The following IDI1 variants were observed in gnomAD, a reference collection of about 807,000 sequenced individuals.
IDI1 encodes isopentenyl-diphosphate Delta-isomerase 1.
A neutral mutation model predicts 32.9 loss-of-function variants in IDI1; 23 were observed. That is an observed-to-expected ratio of 0.70 (90% CI 0.50 to 0.99). IDI1 has a LOEUF of 0.99. Ranked by LOEUF, IDI1 falls within the 50% of genes least tolerant of loss-of-function variation. IDI1 has a pLI of 0.00. For synonymous variants in IDI1, 133 were observed against 128.2 expected (o/e 1.04, Z -0.25); for missense variants, 326 against 351.9 (o/e 0.93, Z 0.59).
Position 1,041,474 on chromosome 10 carries a change from G to A in IDI1, c.568C>T (p.Arg190Ter). ...TCAGACTGAGCTTTGTAGTGAATTC[G>A]TGTTAAATAATTAATTTCTTCTGGA... ...VPPEEINYLTRIHYKAQSDGI... is the reference protein window; with the variant it reads ...VPPEEINYLT Residue 190 changes from arginine to a stop codon, truncating the protein, a stop_gained, in exon 5 of 5, where the codon CGA (arginine) becomes TGA (stop). Transcript: ENST00000381344. LOFTEE classifies it high-confidence loss of function. 3 of 1,576,520 alleles carry A rather than the reference G, an allele frequency of 1.9e-6. No individual in the cohort carries two copies. Among genetic ancestry groups the A allele is most frequent in the Non-Finnish European group, 2.6e-6 (3 of 1,157,558 alleles).
upstream of IDI1, among the ~76,000 whole-genome samples, chr10:1,051,968 G>A (rs944672416): frequency 2.0e-5 from 3 of 152,176 alleles, no homozygotes; most frequent in South Asian, 2.1e-4. Flanking sequence ...CACCTCCTGG[G>A]TTCAAGCAAT....
intron 1 of IDI1, among the ~76,000 whole-genome samples, chr10:1,044,526 A>T (rs1329225538): frequency 2.0e-5 from 3 of 152,142 alleles, no homozygotes; most frequent in Non-Finnish European, 2.9e-5. Flanking sequence ...CTGCTTTTCT[A>T]CACCAGCTTC....
At chr10:1,042,465 G>C in intron 4 of IDI1, 167 bp downstream of exon 4, 1 of 674,372 alleles carries the variant, frequency 1.5e-6, no homozygotes, top group Non-Finnish European at 2.6e-6. Context: ...GTGATATTAA[G>C]AAATTAAAAT....
At position 1,041,433 on chromosome 10, in the gene IDI1, T is replaced by A; in HGVS notation, c.609A>T (p.Glu203Asp). 6.2e-7 allele frequency: 1 copy of A among 1,611,074 alleles called. No individual in the cohort carries two copies. Among genetic ancestry groups the A allele is most frequent in the Non-Finnish European group, 8.5e-7 (1 of 1,177,436 alleles). ...YKAQSDGIWG[E>D]HEIDYILLVR... ...CCAACAAAATGTAATCAATTTCATG[T>A]TCACCCCAGATACCATCAGACTGAG... The change falls in exon 5 of 5, where the codon GAA (glutamate) becomes GAT (aspartate). Residue 203 changes from glutamate to aspartate, a missense_variant. By Grantham distance (45) the Glu-to-Asp change is conservative. Coordinates refer to ENST00000381344, the MANE Select transcript of IDI1 (RefSeq NM_004508.4).
At chr10:1,049,212 G>A (rs955843726), upstream of IDI1, 16 of 780,916 alleles carry the variant, frequency 2.0e-5, no homozygotes, top group Admixed American at 1.9e-4. Flanking sequence ...GGCGGTGCCC[G>A]AGACCACAGA....
At chr10:1,042,438 G>T (rs1161379611) in intron 4 of IDI1, 194 bp downstream of exon 4, 3 of 568,832 alleles carry the variant, frequency 5.3e-6, no homozygotes, top group Non-Finnish European at 9.6e-6. Flanking sequence ...TCCCCGTATT[G>T]AGCTAAGTTT....
rs112832376 is a variant in IDI1 at position 1,041,514 on chromosome 10, TAAA to T, written c.538-13_538-11del. 8.2e-6 allele frequency: 10 copies of T among 1,222,598 alleles called. No individual in the cohort carries two copies. The highest frequency in any genetic ancestry group is 3.2e-5 in the South Asian group (2 of 62,780). The allele number at this position is 1,222,598 out of a possible 1,614,324, so 75.7% of individuals were successfully genotyped here. A position where few individuals can be genotyped will look rare whatever the true frequency, so the allele number is the denominator to read the frequency against. On this transcript the variant is annotated splice_polypyrimidine_tract_variant and intron_variant, in intron 4 of 4. Coordinates refer to ENST00000381344, the MANE Select transcript of IDI1 (RefSeq NM_004508.4). ...TTTCTTCTGGAGGAACCTAAGACAT[TAAA>T]AAAAAAAAAGTAATTAAAACATCGG...
intron 4 of IDI1, among the ~76,000 whole-genome samples, chr10:1,041,831 G>A (rs1832604146): frequency 1.4e-5 from 2 of 146,174 alleles, no homozygotes; most frequent in African/African-American, 2.5e-5. Flanking sequence ...TTTGTGAGAC[G>A]GAGTCTTGCT....
rs757315397 is a variant in IDI1, at chr10:1,048,961, C to T, written c.43G>A (p.Ala15Thr). The T allele has an allele frequency of 6.4e-7, 1 of 1,557,546 alleles. No homozygotes were observed. Reference sequence around the variant, plus strand: ...ACCGCCCACTGGCCCCGCCCCCGGGCCGCGCAGCCAATCGCTCGCGCCAGC... The same window carrying T: ...ACCGCCCACTGGCCCCGCCCCCGGGTCGCGCAGCCAATCGCTCGCGCCAGC... ...LALARAIGCA[A>T]RGRGQWAVRA... The change falls in exon 1 of 5, where the codon GCC (alanine) becomes ACC (threonine). Residue 15 changes from alanine (A) to threonine (T), a missense_variant. By Grantham distance (58) the Ala-to-Thr change is moderately conservative (BLOSUM62 0). Around this residue, in one of 2 missense-constraint regions of IDI1, gnomAD observed 121 missense variants for 78.4 expected, o/e 1.54. Coordinates refer to ENST00000381344, the MANE Select transcript of IDI1 (RefSeq NM_004508.4).
At chr10:1,055,189 T>C in the IDI1 span, among the ~76,000 whole-genome samples, 1 of 152,252 alleles carries the variant, frequency 6.6e-6, no homozygotes, top group Non-Finnish European at 1.5e-5. Flanking sequence ...CGATTATTTT[T>C]GACTTTTGAC....
At position 1,042,626 on chromosome 10, in the gene IDI1, G is replaced by A. The variant is rs781370963; in HGVS notation, c.537+6C>T. The A allele has an allele frequency of 6.2e-7, 1 of 1,613,574 alleles. No individual in the cohort carries two copies. Among genetic ancestry groups the A allele is most frequent in the Non-Finnish European group, 8.5e-7 (1 of 1,179,672 alleles). ...GCTTGTATGGTTGTGTAGGAGAGCT[G>A]GTTACCTCTTCCAAGGGAATTCCTA... On this transcript the variant is annotated splice_donor_region_variant and intron_variant, in intron 4 of 4. Transcript: ENST00000381344.
In IDI1 at chr10:1,043,980, G is replaced by C. The variant is rs1386784139; in HGVS notation, c.313+19C>G. 1.2e-6 allele frequency: 2 copies of C among 1,602,440 alleles called. No individual in the cohort carries two copies. Among genetic ancestry groups the C allele is most frequent in the South Asian group, 2.2e-5 (2 of 90,172 alleles). ...CCTACACAAATCGCTTTACAAGAAA[G>C]ACTGTTTCAAAGCAGCACCTTTCTC... On this transcript the variant is annotated intron_variant, in intron 2 of 4. Transcript: ENST00000381344.
upstream of IDI1, among the ~76,000 whole-genome samples, chr10:1,052,235 A>T (rs1833033424): frequency 6.6e-6 from 1 of 152,232 alleles, no homozygotes; most frequent in South Asian, 2.1e-4. Flanking sequence ...AACTAAGTCT[A>T]TGGAGTATTC....
At chr10:1,046,029 A>T (rs1186441621) in intron 1 of IDI1, among the ~76,000 whole-genome samples, 1 of 152,244 alleles carries the variant, frequency 6.6e-6, no homozygotes, top group African/African-American at 2.4e-5. Context: ...AGTTAGCCTC[A>T]ATTTTAGAAA....
At chr10:1,049,127 A>C, upstream of IDI1, 2 of 1,389,144 alleles carry the variant, frequency 1.4e-6, no homozygotes, top group Middle Eastern at 2.4e-4. Context: ...CTGAGCCGTG[A>C]CCGCGGGCTC....
chr10:1,043,948 G>T, intron 2 of IDI1, 51 bp downstream of exon 2: 1 of 1,504,540 alleles, frequency 6.6e-7, no homozygotes, highest in Non-Finnish European at 9.1e-7. Flanking sequence ...TCAGCAAATC[G>T]GAAATGCCTA....
At chr10:1,053,483 T>C (rs77397271), upstream of IDI1, among the ~76,000 whole-genome samples, 6,240 of 152,282 alleles carry the variant, frequency 0.041, 433 homozygotes, top group African/African-American at 0.14. Flanking sequence ...GTTTAATCTA[T>C]ACAGACCACT....
rs371385081 is a variant in IDI1, at chr10:1,039,836, T to A, written c.*1351A>T. ...AAACTAAAAAAATTAGAAACAATAT[T>A]ATAAATGCAACGGAAACTATACAGG... is the stretch of plus-strand genomic sequence containing the variant. On this transcript the variant is annotated 3_prime_UTR_variant, in exon 5 of 5. Coordinates refer to ENST00000381344, the MANE Select transcript of IDI1 (RefSeq NM_004508.4). The A allele has an allele frequency of 1.1e-4, 16 of 152,334 alleles. No homozygotes were observed. In the East Asian group the frequency reaches 2.5e-3, roughly 24 times the overall value. The allele number at this position is 152,334 out of a possible 1,614,324, so 9.4% of individuals were successfully genotyped here.
intron 1 of IDI1, among the ~76,000 whole-genome samples, chr10:1,045,735 G>A (rs184649400): frequency 3.9e-5 from 6 of 152,346 alleles, no homozygotes; most frequent in African/African-American, 1.2e-4. Flanking sequence ...CCAAAGTGTT[G>A]AGATTACAGG....
Sources: gnomAD v4.1 joint callset for allele counts (sites outside exome capture counted in the v4.1 genomes callset) on GRCh38, gnomAD v4.1.1 for gene constraint, gnomAD v4.1.1 regional missense constraint, MANE v1.5 for transcripts, NCBI Gene and HGNC (gene_info 2026-07-23, HGNC 2026-07-21) for gene names.